NOP2: variants seen among roughly 807,000 people sequenced by gnomAD.
NOP2 encodes the protein NOP2 nucleolar protein, also known as 28S rRNA (cytosine(4447)-C(5))-methyltransferase.
NOP2 carries 7 observed loss-of-function variants against 72.7 expected under a neutral mutation model. That is an observed-to-expected ratio of 0.10 (90% CI 0.05 to 0.18). The LOEUF is 0.18. NOP2 is among the 10% of genes least tolerant of loss of function. The pLI is 1.00. For missense variants in NOP2, 954 were observed against 1,014.7 expected (o/e 0.94, Z 0.81); for synonymous variants, 387 against 388.0 (o/e 1.00, Z 0.03).
Position 6,560,777 on chromosome 12 carries a change from C to G in NOP2, c.1358G>C (p.Gly453Ala), listed in dbSNP as rs1170542863. 2 of 1,612,794 alleles carry G rather than the reference C, an allele frequency of 1.2e-6. No individual in the cohort carries two copies. The highest frequency in any genetic ancestry group is 1.7e-5 in the Admixed American group (1 of 59,852). The change falls in exon 13 of 16, where the codon GGC (glycine) becomes GCC (alanine). Residue 453 changes from glycine (G) to alanine (A), a missense_variant. Gly to Ala is a moderately conservative substitution (Grantham distance 60). Transcript: ENST00000322166. The surrounding 1 kb of genome is among the most constrained non-coding windows in gnomAD (Gnocchi z 5.0). ...DGRQFPKVVG[G>A]FDRVLLDAPC... is the part of the protein sequence containing the mutation. Reference sequence around the variant, plus strand: ...AGCATCCAGCAGTACTCGGTCAAAGCCCCCCACCACCTGGAGAAAAGATAC... The same window carrying G: ...AGCATCCAGCAGTACTCGGTCAAAGGCCCCCACCACCTGGAGAAAAGATAC...
At chr12:6,562,132 G>A (rs1374348661) in intron 9 of NOP2, among the ~76,000 whole-genome samples, 161 bp from the exon 10 acceptor site, 2 of 151,666 alleles carry the variant, frequency 1.3e-5, no homozygotes, top group Non-Finnish European at 2.9e-5. Flanking sequence ...CTGGGACAAC[G>A]GGCATGTACC....
intron 1 of NOP2, 40 bp from the exon 2 acceptor site, chr12:6,567,962 G>T: frequency 1.3e-6 from 2 of 1,523,588 alleles, no homozygotes; most frequent in Non-Finnish European, 1.8e-6. Context: ...CGTCGCGCGT[G>T]TCGGAGGGAA....
chr12:6,564,813 T>A (rs973767661), intron 5 of NOP2, among the ~76,000 whole-genome samples: 1 of 151,978 alleles, frequency 6.6e-6, no homozygotes, highest in Middle Eastern at 3.2e-3. Flanking sequence ...TTTTTAGACT[T>A]CAGTTACATC....
intron 11 of NOP2, 117 bp downstream of exon 11, chr12:6,561,547 G>A: frequency 7.3e-7 from 1 of 1,363,260 alleles, no homozygotes; most frequent in South Asian, 1.4e-5. Flanking sequence ...TCACCACCCT[G>A]CTAGCTACCT....
Position 6,563,410 on chromosome 12 carries a change from C to G in NOP2, c.793G>C (p.Glu265Gln), listed in dbSNP as rs2136174377. 2 of 1,607,504 alleles carry G rather than the reference C, an allele frequency of 1.2e-6. No homozygotes were observed. The highest frequency in any genetic ancestry group is 4.5e-5 in the East Asian group (2 of 44,694). ...TCCTTCTTGAGCCGGTTCAGGTATT[C>G]AGAACGAGACCGCCCTTCCTCCCGC... Reference protein sequence around the residue: ...AQREEGRSRSEYLNRLKKDLA... With the variant: ...AQREEGRSRSQYLNRLKKDLA... Residue 265 changes from glutamate (E) to glutamine (Q), a missense_variant, in exon 8 of 16, where the codon GAA (glutamate) becomes CAA (glutamine). Around this residue, in one of 3 missense-constraint regions of NOP2, gnomAD observed 498 missense variants for 478.3 expected, o/e 1.04. Transcript: ENST00000322166.
intron 9 of NOP2, among the ~76,000 whole-genome samples, 160 bp from the exon 10 acceptor site, chr12:6,562,131 C>T (rs568274795): frequency 3.3e-5 from 5 of 151,760 alleles, no homozygotes; most frequent in South Asian, 2.1e-4. Flanking sequence ...GCTGGGACAA[C>T]GGGCATGTAC....
chr12:6,563,651 T>C lies in NOP2; in HGVS notation c.651A>G (p.Glu217=). 5.0e-6 allele frequency: 8 copies of C among 1,613,430 alleles called. No individual in the cohort carries two copies. Among genetic ancestry groups the C allele is most frequent in the Non-Finnish European group, 5.9e-6 (7 of 1,179,626 alleles). The change falls in exon 7 of 16, where the codon GAA becomes GAG. Residue 217 remains glutamate, a synonymous_variant. Coordinates refer to ENST00000322166, the MANE Select transcript of NOP2 (RefSeq NM_001258308.2). The part of the protein sequence containing the change: ...DGGLQINVDE[E]PFVLPPAGEM... ...CCCCAGCAGGGGGCAGCACAAATGG[T>C]TCCTCATCCACATTGATCTGCAGGC...
intron 1 of NOP2, 125 bp downstream of exon 1, chr12:6,568,082 G>C (rs986094656): frequency 3.3e-6 from 2 of 610,482 alleles, no homozygotes; most frequent in Non-Finnish European, 5.8e-6. Context: ...AAGCACCCCC[G>C]CTATCCCCCT....
At chr12:6,566,949 GTTA>G (rs1184752406) in intron 2 of NOP2, 127 bp from the exon 3 acceptor site, 1 of 745,372 alleles carries the variant, frequency 1.3e-6, no homozygotes, top group Non-Finnish European at 2.2e-6. Flanking sequence ...TCTCAGCCCT[GTTA>G]TTATTTAATA....
chr12:6,561,611 A>G, intron 11 of NOP2, 53 bp downstream of exon 11: 1 of 1,600,522 alleles, frequency 6.2e-7, no homozygotes, highest in Non-Finnish European at 8.5e-7. Context: ...AACCCCATCT[A>G]CTTTCAAAAG....
At chr12:6,562,621 T>C (rs1354756608) in intron 9 of NOP2, among the ~76,000 whole-genome samples, 1 of 152,218 alleles carries the variant, frequency 6.6e-6, no homozygotes, top group East Asian at 1.9e-4. Flanking sequence ...TGACATTGGT[T>C]ATACCACATT....
Position 6,560,089 on chromosome 12 carries a change from A to C in NOP2, c.1789+9T>G, listed in dbSNP as rs772249075. 16 of 1,594,238 alleles carry C rather than the reference A, an allele frequency of 1.0e-5. No homozygotes were observed. Among genetic ancestry groups the C allele is most frequent in the Admixed American group, 1.7e-5 (1 of 59,910 alleles). ...AGGTGGTGACGAAGGGAAGAAAAAG[A>C]TTACTTACCTGTCTGGGACTGAGGG... On this transcript the variant is annotated intron_variant, in intron 15 of 15. Transcript: ENST00000322166. The surrounding 1 kb of genome is among the most constrained non-coding windows in gnomAD (Gnocchi z 5.0).
chr12:6,558,888 G>A (rs1330232886), intron 15 of NOP2, among the ~76,000 whole-genome samples: 1 of 152,100 alleles, frequency 6.6e-6, no homozygotes, highest in East Asian at 1.9e-4. Flanking sequence ...AATCAGAGAA[G>A]TTTCTTTCCA....
Position 6,560,662 on chromosome 12 carries a change from C to G in NOP2, c.1437+36G>C. On this transcript the variant is annotated intron_variant, in intron 13 of 15. Transcript: ENST00000322166. This position sits in a 1 kb window ranked among gnomAD's most constrained non-coding sequence, Gnocchi z 5.0. ...AGTTTCCAGCTCTACGAGACCCAGCCAAGGCCTCTCAGGGGCCCACCACCT... is the reference window on the plus strand; with the variant it reads ...AGTTTCCAGCTCTACGAGACCCAGCGAAGGCCTCTCAGGGGCCCACCACCT... The G allele has an allele frequency of 1.2e-6, 2 of 1,612,792 alleles. No homozygotes were observed. The highest frequency in any genetic ancestry group is 1.7e-6 in the Non-Finnish European group (2 of 1,179,264).
rs1394205956 is a variant in NOP2 at position 6,563,212 on chromosome 12, G to A, written c.889-42C>T. The A allele has an allele frequency of 2.6e-6, 4 of 1,558,518 alleles. No individual in the cohort carries two copies. In the East Asian group the frequency reaches 9.5e-5, roughly 37 times the overall value. The stretch of plus-strand genomic sequence containing the variant: ...CAGGGAATAAGTGAGGCTGGCTAAG[G>A]AGCTCAGTCAGAAGAGGGGAGCAAG... On this transcript the variant is annotated intron_variant, in intron 8 of 15. Transcript: ENST00000322166.
At position 6,556,939 on chromosome 12, in the gene NOP2, A is replaced by G. The variant is rs1016766431; in HGVS notation, c.*54T>C. 21 of 1,599,314 alleles carry G rather than the reference A, an allele frequency of 1.3e-5. No individual in the cohort carries two copies. Among genetic ancestry groups the G allele is most frequent in the East Asian group, 6.7e-5 (3 of 44,792 alleles). On this transcript the variant is annotated 3_prime_UTR_variant, in exon 16 of 16. Transcript: ENST00000322166. ...TAGAGAAGGCATCCTCACAGAGGCA[A>G]GAGTTCCAACCTGGTGACAATGGCA...
chr12:6,560,354 G>A lies in NOP2; in HGVS notation c.1561-28C>T. 1 of 1,609,086 alleles carries A rather than the reference G, an allele frequency of 6.2e-7. No homozygotes were observed. Among genetic ancestry groups the A allele is most frequent in the South Asian group, 1.1e-5 (1 of 90,898 alleles). ...GGATGTGGGGGGAAGACAAAGAACG[G>A]AGGAAAAAGCAGAGCTGGAGCTGAA... is the stretch of plus-strand genomic sequence containing the variant. On this transcript the variant is annotated intron_variant, in intron 14 of 15. Transcript: ENST00000322166. This position sits in a 1 kb window ranked among gnomAD's most constrained non-coding sequence, Gnocchi z 5.0.
intron 9 of NOP2, among the ~76,000 whole-genome samples, 166 bp downstream of exon 9, chr12:6,562,915 C>T (rs910005931): frequency 6.6e-6 from 1 of 152,116 alleles, no homozygotes; most frequent in South Asian, 2.1e-4. Flanking sequence ...GGTCCTAGGC[C>T]CCCAGATCCT....
Position 6,560,345 on chromosome 12 carries a change from C to T in NOP2, c.1561-19G>A, listed in dbSNP as rs1947612158. On this transcript the variant is annotated intron_variant, in intron 14 of 15. Coordinates refer to ENST00000322166, the MANE Select transcript of NOP2 (RefSeq NM_001258308.2). The surrounding 1 kb of genome is among the most constrained non-coding windows in gnomAD (Gnocchi z 5.0). ...CTTCTACCTGGATGTGGGGGGAAGACAAAGAACGGAGGAAAAAGCAGAGCT... is the reference window on the plus strand; with the variant it reads ...CTTCTACCTGGATGTGGGGGGAAGATAAAGAACGGAGGAAAAAGCAGAGCT... 6.2e-7 allele frequency: 1 copy of T among 1,610,282 alleles called. No individual in the cohort carries two copies. Among genetic ancestry groups the T allele is most frequent in the Non-Finnish European group, 8.5e-7 (1 of 1,177,044 alleles).
Sources: allele counts gnomAD v4.1 joint callset (sites outside exome capture counted in the v4.1 genomes callset), GRCh38; gene constraint gnomAD v4.1.1; regional missense constraint gnomAD v4.1.1; non-coding constraint Gnocchi (gnomAD v3.1); transcripts MANE v1.5; gene names NCBI Gene and HGNC (gene_info 2026-07-23, HGNC 2026-07-21).